The following UBA2 variants were observed in gnomAD, a reference collection of about 807,000 sequenced individuals.
The protein encoded by UBA2 is SUMO-activating enzyme subunit 2.
In UBA2, 11 loss-of-function variants were observed where a neutral mutation model predicts 77.2. That is an observed-to-expected ratio of 0.14 (90% CI 0.09 to 0.24). UBA2 has a LOEUF of 0.24. Among genes scored for constraint, UBA2 ranks in the 10% least tolerant of loss-of-function variants. The pLI is 1.00. For synonymous variants in UBA2, 278 were observed against 276.7 expected (o/e 1.00, Z -0.05); for missense variants, 487 against 781.7 (o/e 0.62, Z 4.50).
At chr19:34,452,824 A>G (rs914510253) in intron 10 of UBA2, among the ~76,000 whole-genome samples, 9 of 152,218 alleles carry the variant, frequency 5.9e-5, no homozygotes, top group South Asian at 2.1e-4. Context: ...TTGTGTGTAC[A>G]TATTTTGAAA....
chr19:34,452,149 T>C lies in UBA2; in HGVS notation c.1038+2T>C. ...GGAGCTGAGCTCATATGGGATAAGG[T>C]TCGTTTTGACAATGTGTGGCAAGTA... is the stretch of plus-strand genomic sequence containing the variant. On this transcript the variant is annotated splice_donor_variant, in intron 10 of 16. Coordinates refer to ENST00000246548, the MANE Select transcript of UBA2 (RefSeq NM_005499.3). LOFTEE classifies it high-confidence loss of function. 1 of 1,581,710 alleles carries C rather than the reference T, an allele frequency of 6.3e-7. No homozygotes were observed. Among genetic ancestry groups the C allele is most frequent in the Non-Finnish European group, 8.6e-7 (1 of 1,159,958 alleles).
At chr19:34,437,843 T>G (rs2145501870) in intron 5 of UBA2, among the ~76,000 whole-genome samples, 1 of 152,182 alleles carries the variant, frequency 6.6e-6, no homozygotes, top group Admixed American at 6.5e-5. Context: ...TCACATGAAG[T>G]CAGGAGTTCA....
intron 7 of UBA2, among the ~76,000 whole-genome samples, chr19:34,444,215 G>A (rs976741134): frequency 3.4e-4 from 51 of 151,588 alleles, no homozygotes; most frequent in African/African-American, 1.2e-3. Context: ...CTGCCACCGC[G>A]CCCAGCTAAT....
chr19:34,437,592 G>A (rs952657036), intron 5 of UBA2, among the ~76,000 whole-genome samples: 4 of 151,976 alleles, frequency 2.6e-5, no homozygotes, highest in Non-Finnish European at 4.4e-5. Flanking sequence ...CCTGGGCAAC[G>A]AGCGAAATTC....
chr19:34,460,225 C>G (rs2075615811), intron 13 of UBA2, among the ~76,000 whole-genome samples: 1 of 152,124 alleles, frequency 6.6e-6, no homozygotes, highest in Non-Finnish European at 1.5e-5. Context: ...AAGAGCCAGC[C>G]AGGGAGTTCC....
At chr19:34,460,406 A>G (rs1160915287) in intron 13 of UBA2, 64 bp from the exon 14 acceptor site, 19 of 1,093,614 alleles carry the variant, frequency 1.7e-5, no homozygotes, top group Non-Finnish European at 2.5e-5. Context: ...ATAGAAGTCT[A>G]GGATTTCTTA....
In UBA2 at chr19:34,439,590, G is replaced by A. The variant is rs2075346093; in HGVS notation, c.581+824G>A. Among the ~76,000 whole-genome samples, 3 of 152,318 alleles carry A rather than the reference G, an allele frequency of 2.0e-5. No individual in the cohort carries two copies. In the South Asian group the frequency reaches 6.2e-4, roughly 32 times the overall value. ...CATGCCTCTAATCCCAGCACTGTGG[G>A]AGGGTGAGATGGGAGGATCCCTTGA... On this transcript the variant is annotated intron_variant, in intron 6 of 16. Coordinates refer to ENST00000246548, the MANE Select transcript of UBA2 (RefSeq NM_005499.3).
intron 6 of UBA2, among the ~76,000 whole-genome samples, chr19:34,441,659 G>A (rs2075370817): frequency 6.6e-6 from 1 of 152,018 alleles, no homozygotes; most frequent in Non-Finnish European, 1.5e-5. Flanking sequence ...TTATTTATTT[G>A]GCAAACATTT....
chr19:34,430,395 A>G (rs1167017044), intron 1 of UBA2, among the ~76,000 whole-genome samples, 181 bp from the exon 2 acceptor site: 1 of 152,192 alleles, frequency 6.6e-6, no homozygotes, highest in Non-Finnish European at 1.5e-5. Flanking sequence ...TTAAATCTAG[A>G]TTCTTACATG....
chr19:34,454,804 G>A (rs1021212401), intron 12 of UBA2, among the ~76,000 whole-genome samples: 4 of 152,144 alleles, frequency 2.6e-5, no homozygotes, highest in Admixed American at 6.5e-5. Flanking sequence ...AGAATTCATT[G>A]TGCGGTCCTT....
intron 8 of UBA2, among the ~76,000 whole-genome samples, chr19:34,445,451 T>G (rs1387113955): frequency 1.3e-5 from 2 of 149,130 alleles, no homozygotes; most frequent in Admixed American, 1.3e-4. Flanking sequence ...TTTTTTTTTT[T>G]TTTTTGAGAT....
intron 15 of UBA2, among the ~76,000 whole-genome samples, chr19:34,465,702 T>G (rs2075680489): frequency 6.6e-6 from 1 of 151,080 alleles, no homozygotes; most frequent in South Asian, 2.1e-4. Context: ...TATTTCACAG[T>G]TAGATAATGG....
At chr19:34,458,646 G>T in intron 12 of UBA2, 123 bp from the exon 13 acceptor site, 6 of 643,364 alleles carry the variant, frequency 9.3e-6, no homozygotes, top group South Asian at 3.7e-5. Context: ...GATCCATTTT[G>T]CCATCTGGAC....
chr19:34,461,768 A>G (rs543040894), intron 14 of UBA2, among the ~76,000 whole-genome samples: 1 of 152,174 alleles, frequency 6.6e-6, no homozygotes, highest in Non-Finnish European at 1.5e-5. Flanking sequence ...TGCAGCCTGG[A>G]AGAAGGGAGA....
At chr19:34,449,410 A>T (rs1158669148) in intron 8 of UBA2, among the ~76,000 whole-genome samples, 1 of 138,526 alleles carries the variant, frequency 7.2e-6, no homozygotes, top group Non-Finnish European at 1.6e-5. Flanking sequence ...ACTAAATTGT[A>T]TTCTGATTAT....
intron 9 of UBA2, 70 bp downstream of exon 9, chr19:34,450,434 C>G: frequency 2.9e-6 from 3 of 1,049,102 alleles, no homozygotes; most frequent in Non-Finnish European, 4.1e-6. Flanking sequence ...TTGTATAGCC[C>G]TGTTGTTGCT....
At chr19:34,438,979 T>G (rs1223833484) in intron 6 of UBA2, among the ~76,000 whole-genome samples, 1 of 152,042 alleles carries the variant, frequency 6.6e-6, no homozygotes, top group Non-Finnish European at 1.5e-5. Flanking sequence ...GAAACTGAGG[T>G]GGTCGGATCA....
chr19:34,436,056 G>A (rs1403254457), intron 5 of UBA2, among the ~76,000 whole-genome samples: 1 of 150,338 alleles, frequency 6.7e-6, no homozygotes, highest in Non-Finnish European at 1.5e-5. Context: ...GGAAGCGGAG[G>A]TTGCGGTGAG....
At chr19:34,460,946 G>A (rs143105006) in intron 14 of UBA2, among the ~76,000 whole-genome samples, 2 of 152,286 alleles carry the variant, frequency 1.3e-5, no homozygotes, top group African/African-American at 4.8e-5. Context: ...CTACTATATA[G>A]CAGAAAGATT....
Sources: allele counts gnomAD v4.1 joint callset (sites outside exome capture counted in the v4.1 genomes callset), GRCh38; gene constraint gnomAD v4.1.1; transcripts MANE v1.5; gene names NCBI Gene and HGNC (gene_info 2026-07-23, HGNC 2026-07-21).